Variants in RPH3A observed in about 807,000 individuals in gnomAD.
The protein encoded by RPH3A is rabphilin 3A.
A neutral mutation model predicts 102.2 loss-of-function variants in RPH3A; 48 were observed. The ratio of observed to expected loss-of-function variants is 0.47; its 90% CI spans 0.37 to 0.60. RPH3A has a LOEUF of 0.60. Among genes scored for constraint, RPH3A ranks in the 20% least tolerant of loss-of-function variants. The probability of loss-of-function intolerance (pLI) is 0.00; values close to 1 mark genes in which losing one functional copy is unlikely to be tolerated. For synonymous variants in RPH3A, 310 were observed against 324.3 expected (o/e 0.96, Z 0.47); for missense variants, 781 against 910.1 (o/e 0.86, Z 1.83).
chr12:112,600,174 C>T (rs942119992), intron 1 of RPH3A, among the ~76,000 whole-genome samples: 1 of 152,132 alleles, frequency 6.6e-6, no homozygotes, highest in Non-Finnish European at 1.5e-5. Flanking sequence ...AGGGCACTCC[C>T]TTGGGGTATA....
intron 2 of RPH3A, among the ~76,000 whole-genome samples, chr12:112,803,483 G>A (rs2041395999): frequency 6.6e-6 from 1 of 150,676 alleles, no homozygotes; most frequent in African/African-American, 2.5e-5. Flanking sequence ...CCTTGGGAAG[G>A]AGATATTATT....
chr12:112,841,384 G>T (rs1045193768), intron 4 of RPH3A, among the ~76,000 whole-genome samples: 1 of 151,962 alleles, frequency 6.6e-6, no homozygotes, highest in Non-Finnish European at 1.5e-5. Context: ...CTTTTAGAAG[G>T]GCAGGATAGC....
Position 112,705,387 on chromosome 12 carries a change from A to G in RPH3A, c.-139-86756A>G, listed in dbSNP as rs1000991004. Among the ~76,000 whole-genome samples the G allele has an allele frequency of 6.6e-5, 10 of 152,340 alleles. No homozygotes were observed. The East Asian group carries it at 7.7e-4, about 12-fold the overall frequency. ...GATATTGGGAAACAGACAACTAGAA[A>G]TTCTTGCCACCTACTCAGAGTAACT... is the stretch of plus-strand genomic sequence containing the variant. On this transcript the variant is annotated intron_variant, in intron 1 of 21. Transcript: ENST00000543106.
chr12:112,708,585 G>A (rs1375209999), intron 1 of RPH3A, among the ~76,000 whole-genome samples: 1 of 152,166 alleles, frequency 6.6e-6, no homozygotes, highest in East Asian at 1.9e-4. Flanking sequence ...GGGTCCATTT[G>A]CTCCTCCAGA....
intron 1 of RPH3A, among the ~76,000 whole-genome samples, chr12:112,609,867 A>G (rs1051666433): frequency 6.6e-6 from 1 of 152,234 alleles, no homozygotes; most frequent in Non-Finnish European, 1.5e-5. Context: ...CCTGGTGTCC[A>G]TGGTGACAGA....
chr12:112,621,351 G>A (rs1226510968), intron 1 of RPH3A, among the ~76,000 whole-genome samples: 1 of 149,802 alleles, frequency 6.7e-6, no homozygotes, highest in South Asian at 2.2e-4. Flanking sequence ...GTGGGTGCGC[G>A]CACCGTGCGC....
chr12:112,618,031 A>G (rs1282655803), intron 1 of RPH3A, among the ~76,000 whole-genome samples: 2 of 152,186 alleles, frequency 1.3e-5, no homozygotes, highest in Non-Finnish European at 2.9e-5. Context: ...TTATGTATAC[A>G]CATATCCCAG....
intron 1 of RPH3A, among the ~76,000 whole-genome samples, chr12:112,575,827 C>G (rs937542456): frequency 9.9e-5 from 15 of 152,230 alleles, no homozygotes; most frequent in South Asian, 6.2e-4. Flanking sequence ...TGATTTTTAC[C>G]CGCATCCTCA....
intron 1 of RPH3A, among the ~76,000 whole-genome samples, chr12:112,737,748 A>G (rs1208616451): frequency 6.6e-6 from 1 of 152,166 alleles, no homozygotes; most frequent in Non-Finnish European, 1.5e-5. Context: ...AAGGACGTGA[A>G]GAAGAGTTTC....
chr12:112,708,794 C>A (rs1004041938), intron 1 of RPH3A, among the ~76,000 whole-genome samples: 1 of 152,052 alleles, frequency 6.6e-6, no homozygotes, highest in African/African-American at 2.4e-5. Context: ...CTAAAGGTAC[C>A]AGGTGAAAGG....
At chr12:112,704,120 A>C (rs866383448) in intron 1 of RPH3A, among the ~76,000 whole-genome samples, 4 of 144,284 alleles carry the variant, frequency 2.8e-5, no homozygotes, top group Non-Finnish European at 4.5e-5. Context: ...ACCGAGTTTC[A>C]CTCTGTTGCC....
intron 3 of RPH3A, among the ~76,000 whole-genome samples, chr12:112,828,795 G>A (rs1264913998): frequency 6.6e-6 from 1 of 152,250 alleles, no homozygotes; most frequent in Non-Finnish European, 1.5e-5. Flanking sequence ...ACTCTGACTT[G>A]CAGAAGTGTA....
chr12:112,837,306 T>C (rs2042070059), intron 4 of RPH3A, among the ~76,000 whole-genome samples: 1 of 151,986 alleles, frequency 6.6e-6, no homozygotes, highest in East Asian at 1.9e-4. Flanking sequence ...TGGGATCGAA[T>C]GAGATGTTTG....
chr12:112,852,986 A>T lies in RPH3A; in HGVS notation c.230+5144A>T, dbSNP rs2042348754. On this transcript the variant is annotated intron_variant, in intron 5 of 21. Coordinates refer to ENST00000389385, the MANE Select transcript of RPH3A (RefSeq NM_001143854.2). ...AACAGATGGGCCCAAAAAAGTAATTAGGATTTGTCATTAACCTTGGCATCC... is the reference window on the plus strand; with the variant it reads ...AACAGATGGGCCCAAAAAAGTAATTTGGATTTGTCATTAACCTTGGCATCC... Among the ~76,000 whole-genome samples, 11 of 152,316 alleles carry T rather than the reference A, an allele frequency of 7.2e-5. No homozygotes were observed. In the South Asian group the frequency reaches 2.3e-3, roughly 32 times the overall value.
intron 2 of RPH3A, among the ~76,000 whole-genome samples, chr12:112,796,563 T>G (rs2041233659): frequency 1.3e-5 from 2 of 152,168 alleles, no homozygotes; most frequent in African/African-American, 4.8e-5. Flanking sequence ...AGGTGCTCAG[T>G]TAGTATTGAT....
intron 1 of RPH3A, among the ~76,000 whole-genome samples, chr12:112,610,506 TAAA>T (rs574202389): frequency 1.5e-4 from 14 of 95,420 alleles, no homozygotes; most frequent in Non-Finnish European, 1.3e-4. Context: ...CTGTCTCAAT[TAAA>T]AAAAAAAAAA....
rs1248184954 is a variant in RPH3A, at chr12:112,791,908, C to CGAGAGAGAG, written c.-244_-243insGAGAGAGAG. On this transcript the variant is annotated 5_prime_UTR_variant, in exon 1 of 22. Transcript: ENST00000389385. Reference sequence around the variant, plus strand: ...AGAGAGAGAGAGAGAGAGAGAGACTCACAGAGCTAAAACCTTCATCCATGT... The same window carrying CGAGAGAGAG: ...AGAGAGAGAGAGAGAGAGAGAGACTCGAGAGAGAGACAGAGCTAAAACCTTCATCCATGT... 8.0e-4 allele frequency: 12 copies of CGAGAGAGAG among 14,950 alleles called. No individual in the cohort carries two copies. In the South Asian group the frequency reaches 8.2e-3, roughly 10 times the overall value. The allele number at this position is 14,950 out of a possible 1,614,324, so 0.9% of individuals were successfully genotyped here.
At chr12:112,749,943 G>T (rs915137139) in intron 1 of RPH3A, among the ~76,000 whole-genome samples, 1 of 152,128 alleles carries the variant, frequency 6.6e-6, no homozygotes, top group African/African-American at 2.4e-5. Context: ...GTCTGTATCT[G>T]CAGGAAAGCA....
chr12:112,885,826 T>G (rs1474490063), intron 16 of RPH3A, among the ~76,000 whole-genome samples: 2 of 152,246 alleles, frequency 1.3e-5, no homozygotes, highest in East Asian at 3.8e-4. Context: ...ATAGTCACCC[T>G]GTTGTGCTAT....
Sources: allele counts gnomAD v4.1 joint callset (sites outside exome capture counted in the v4.1 genomes callset), GRCh38; gene constraint gnomAD v4.1.1; transcripts MANE v1.5; gene names NCBI Gene and HGNC (gene_info 2026-07-23, HGNC 2026-07-21).